Variants in TENM1 observed in about 807,000 individuals in gnomAD.
TENM1 encodes the protein teneurin-1.
A neutral mutation model predicts 174.8 loss-of-function variants in TENM1; 35 were observed. The observed-to-expected ratio is 0.20, with a 90% CI of 0.15 to 0.27. The LOEUF (loss-of-function observed/expected upper bound fraction) is 0.27. Ranked by LOEUF, TENM1 falls within the 10% of genes least tolerant of loss-of-function variation. The probability of loss-of-function intolerance (pLI) is 1.00; values close to 1 mark genes in which losing one functional copy is unlikely to be tolerated. For missense variants in TENM1, 1,633 were observed against 2,130.1 expected (o/e 0.77, Z 4.59); for synonymous variants, 781 against 798.7 (o/e 0.98, Z 0.37).
chrX:124,403,456 CTT>C (rs956409018), intron 27 of TENM1, among the ~76,000 whole-genome samples: 1 of 104,231 alleles, frequency 9.6e-6, no homozygotes, highest in African/African-American at 3.5e-5. Flanking sequence ...GGAGGCAGAG[CTT>C]GCAGTGAGCC....
chrX:124,814,787 A>G (rs912640627), intron 3 of TENM1, among the ~76,000 whole-genome samples: 3 of 111,692 alleles, frequency 2.7e-5, no homozygotes, highest in African/African-American at 9.8e-5. Flanking sequence ...GAGGGGCAGG[A>G]TATGATTGGC....
At chrX:124,396,459 G>A (rs964294962) in intron 27 of TENM1, among the ~76,000 whole-genome samples, 3 of 109,427 alleles carry the variant, frequency 2.7e-5, no homozygotes, top group Admixed American at 9.8e-5. Context: ...CCGCCACCAC[G>A]CCCAGCTAAT....
At chrX:124,818,887 A>G (rs934430191) in intron 3 of TENM1, among the ~76,000 whole-genome samples, 7 of 111,731 alleles carry the variant, frequency 6.3e-5, no homozygotes, top group African/African-American at 2.0e-4. Context: ...CTGCATGATA[A>G]AATTGGTTCA....
intron 27 of TENM1, among the ~76,000 whole-genome samples, chrX:124,394,512 C>G (rs1030906035): frequency 1.8e-5 from 2 of 111,875 alleles, no homozygotes; most frequent in Admixed American, 1.9e-4. Context: ...ATACCAGACT[C>G]TGGTCTTCCT....
At chrX:125,073,567 A>T in the TENM1 span, among the ~76,000 whole-genome samples, 1 of 111,424 alleles carries the variant, frequency 9.0e-6, no homozygotes, top group Admixed American at 9.6e-5. Context: ...AACTCAAAGT[A>T]GGAGTCACCT....
chrX:125,189,176 C>T, the TENM1 span, among the ~76,000 whole-genome samples: 2 of 111,917 alleles, frequency 1.8e-5, no homozygotes, highest in Non-Finnish European at 3.8e-5. Flanking sequence ...AGGAGTGTGT[C>T]ACCCCATTTA....
intron 3 of TENM1, among the ~76,000 whole-genome samples, chrX:124,781,752 T>G (rs1450515330): frequency 9.0e-6 from 1 of 111,156 alleles, no homozygotes; most frequent in African/African-American, 3.3e-5. Flanking sequence ...TGACTATCTC[T>G]CACTTGCACT....
intron 23 of TENM1, among the ~76,000 whole-genome samples, chrX:124,428,690 C>A (rs1483413521): frequency 9.0e-6 from 1 of 110,723 alleles, no homozygotes; most frequent in African/African-American, 3.3e-5. Flanking sequence ...CAGTGCCTGG[C>A]ACATAGTAAG....
chrX:125,023,720 A>G, the TENM1 span, among the ~76,000 whole-genome samples: 2 of 111,762 alleles, frequency 1.8e-5, no homozygotes, highest in Admixed American at 9.5e-5. Context: ...GGTCACTAGT[A>G]GAGGAGACAC....
intron 15 of TENM1, among the ~76,000 whole-genome samples, chrX:124,543,564 C>T (rs1185912979): frequency 8.9e-6 from 1 of 112,179 alleles, no homozygotes; most frequent in African/African-American, 3.2e-5. Flanking sequence ...AAACCTTTTA[C>T]ATTATTAATA....
chrX:124,948,907 T>C (rs1475422985), intron 1 of TENM1, among the ~76,000 whole-genome samples: 3 of 111,970 alleles, frequency 2.7e-5, no homozygotes, highest in Non-Finnish European at 5.6e-5. Context: ...AGCAGCTTAA[T>C]TGGAGGTATT....
At chrX:124,833,724 G>T in intron 3 of TENM1, among the ~76,000 whole-genome samples, 1 of 111,002 alleles carries the variant, frequency 9.0e-6, no homozygotes, top group African/African-American at 3.3e-5. Flanking sequence ...CAACTTATCA[G>T]GGGCTTTGGC....
intron 3 of TENM1, among the ~76,000 whole-genome samples, chrX:124,791,635 A>C (rs934810218): frequency 3.6e-5 from 4 of 111,752 alleles, no homozygotes; most frequent in African/African-American, 1.3e-4. Context: ...ACCTGATAAT[A>C]AGTGCAATTA....
chrX:125,162,645 C>G, the TENM1 span, among the ~76,000 whole-genome samples: 1 of 111,946 alleles, frequency 8.9e-6, no homozygotes, highest in Non-Finnish European at 1.9e-5. Flanking sequence ...ACCAGCACCT[C>G]AAGTCTTTTG....
intron 23 of TENM1, among the ~76,000 whole-genome samples, chrX:124,444,354 A>G (rs1227688951): frequency 8.9e-6 from 1 of 112,268 alleles, no homozygotes; most frequent in Non-Finnish European, 1.9e-5. Flanking sequence ...GGAATGAGAG[A>G]CACGTGAATT....
At chrX:124,457,380 A>G (rs1215157487) in intron 22 of TENM1, among the ~76,000 whole-genome samples, 1 of 112,047 alleles carries the variant, frequency 8.9e-6, no homozygotes, top group African/African-American at 3.2e-5. Context: ...AATAAAGTGC[A>G]TCTTGTAAAA....
chrX:124,485,906 A>G (rs1030073767), intron 21 of TENM1, among the ~76,000 whole-genome samples: 1 of 112,000 alleles, frequency 8.9e-6, no homozygotes, highest in Non-Finnish European at 1.9e-5. Context: ...AACATGTCCT[A>G]TTTTGCTCAG....
chrX:124,985,490 T>C, the TENM1 span, among the ~76,000 whole-genome samples: 7 of 112,059 alleles, frequency 6.2e-5, no homozygotes, highest in East Asian at 1.7e-3. Flanking sequence ...GAGCGATAAG[T>C]AGTCATTTAT....
the TENM1 span, among the ~76,000 whole-genome samples, chrX:125,100,803 C>T: frequency 9.0e-6 from 1 of 111,458 alleles, no homozygotes; most frequent in African/African-American, 3.3e-5. Flanking sequence ...AGAAATGCTA[C>T]TTATACACCA....
Sources: allele counts gnomAD v4.1 joint callset (sites outside exome capture counted in the v4.1 genomes callset), GRCh38; gene constraint gnomAD v4.1.1; transcripts MANE v1.5; gene names NCBI Gene and HGNC (gene_info 2026-07-23, HGNC 2026-07-21).